The following RAPGEF1 variants were observed in gnomAD, a reference collection of about 807,000 sequenced individuals.
RAPGEF1 encodes the protein CRK SH3-binding GNRP.
A neutral mutation model predicts 143.3 loss-of-function variants in RAPGEF1; 33 were observed. The ratio of observed to expected loss-of-function variants is 0.23; its 90% CI spans 0.17 to 0.31. RAPGEF1 has a LOEUF of 0.31. Among genes scored for constraint, RAPGEF1 ranks in the 10% least tolerant of loss-of-function variants. The probability of loss-of-function intolerance (pLI) is 1.00; values close to 1 mark genes in which losing one functional copy is unlikely to be tolerated. For synonymous variants in RAPGEF1, 629 were observed against 676.5 expected (o/e 0.93, Z 1.09); for missense variants, 1,199 against 1,645.4 (o/e 0.73, Z 4.69).
At chr9:131,625,797 G>T in intron 10 of RAPGEF1, 125 bp downstream of exon 10, 1 of 1,306,054 alleles carries the variant, frequency 7.7e-7, no homozygotes, top group Non-Finnish European at 1.0e-6. Flanking sequence ...CCACATACCT[G>T]GCTGGCCTAT....
At chr9:131,640,690 A>C (rs1024090543) in intron 4 of RAPGEF1, among the ~76,000 whole-genome samples, 1 of 152,200 alleles carries the variant, frequency 6.6e-6, no homozygotes, top group African/African-American at 2.4e-5. Context: ...GTTGGAGGCC[A>C]GCCTATCACT....
chr9:131,614,143 C>CA (rs113490208), intron 12 of RAPGEF1, among the ~76,000 whole-genome samples: 12,999 of 151,972 alleles, frequency 0.086, 645 homozygotes, highest in Middle Eastern at 0.27. Flanking sequence ...CACCAACACC[C>CA]CCCCCCAAGG....
intron 1 of RAPGEF1, among the ~76,000 whole-genome samples, chr9:131,694,729 C>G (rs763493686): frequency 3.2e-4 from 48 of 151,782 alleles, no homozygotes; most frequent in Non-Finnish European, 5.1e-4. Flanking sequence ...CAACCTGACC[C>G]CATGATCCCT....
intron 1 of RAPGEF1, among the ~76,000 whole-genome samples, chr9:131,694,196 T>C (rs1044260051): frequency 9.2e-5 from 14 of 152,172 alleles, no homozygotes; most frequent in African/African-American, 3.1e-4. Flanking sequence ...TTTCATAGTA[T>C]TTACTAGTCT....
At chr9:131,673,069 T>C (rs1203824250) in intron 1 of RAPGEF1, among the ~76,000 whole-genome samples, 1 of 152,190 alleles carries the variant, frequency 6.6e-6, no homozygotes, top group Non-Finnish European at 1.5e-5. Context: ...AGCACCTACT[T>C]TGTGCTGGGA....
intron 1 of RAPGEF1, among the ~76,000 whole-genome samples, chr9:131,713,138 G>C (rs1835627819): frequency 6.6e-6 from 1 of 151,730 alleles, no homozygotes; most frequent in Non-Finnish European, 1.5e-5. Flanking sequence ...GAAGCAGAAG[G>C]CTGACTGCAC....
At chr9:131,598,546 G>A in intron 15 of RAPGEF1, 1 of 661,224 alleles carries the variant, frequency 1.5e-6, no homozygotes, top group Non-Finnish European at 2.8e-6. Flanking sequence ...TGATTCCGCT[G>A]GGAAAATAAA....
intron 5 of RAPGEF1, 66 bp downstream of exon 5, chr9:131,638,569 G>A (rs1208080253): frequency 1.3e-6 from 2 of 1,576,732 alleles, no homozygotes; most frequent in Non-Finnish European, 1.7e-6. Flanking sequence ...GCTCTTATGT[G>A]ACAAGCACCA....
chr9:131,723,665 T>C (rs967916144), intron 1 of RAPGEF1, among the ~76,000 whole-genome samples: 2 of 152,238 alleles, frequency 1.3e-5, no homozygotes, highest in Non-Finnish European at 2.9e-5. Flanking sequence ...GTTTTCTTTA[T>C]CCATTCACCC....
intron 1 of RAPGEF1, among the ~76,000 whole-genome samples, chr9:131,682,400 G>A (rs999835088): frequency 6.6e-6 from 1 of 152,154 alleles, no homozygotes; most frequent in Non-Finnish European, 1.5e-5. Context: ...TACAATGTCT[G>A]TCAGTAGATT....
chr9:131,638,900 C>T (rs987496915), intron 4 of RAPGEF1, 109 bp from the exon 5 acceptor site: 1 of 1,160,396 alleles, frequency 8.6e-7, no homozygotes, highest in Non-Finnish European at 1.2e-6. Context: ...TTTCTTTGTG[C>T]AAAATCCATA....
chr9:131,597,192 C>G (rs575179220), intron 16 of RAPGEF1, among the ~76,000 whole-genome samples: 99 of 152,346 alleles, frequency 6.5e-4, no homozygotes, highest in African/African-American at 2.3e-3. Flanking sequence ...GTACACACTC[C>G]GGGACTAGCC....
At position 131,584,687 on chromosome 9, in the gene RAPGEF1, C is replaced by A. The variant is rs1344114327; in HGVS notation, c.3234-91G>T. ...GTGGAGACAGGACCTGTACGACCCC[C>A]ATGCCAGTGGCCACGAGCCCACCCC... is the stretch of plus-strand genomic sequence containing the variant. On this transcript the variant is annotated intron_variant, in intron 22 of 26. Coordinates refer to ENST00000683357, the MANE Select transcript of RAPGEF1 (RefSeq NM_001377935.1). The surrounding 1 kb of genome is among the most constrained non-coding windows in gnomAD (Gnocchi z 6.8). The A allele has an allele frequency of 4.5e-6, 6 of 1,323,328 alleles. No individual in the cohort carries two copies. The highest frequency in any genetic ancestry group is 6.5e-6 in the Non-Finnish European group (6 of 924,526). The allele number at this position is 1,323,328 out of a possible 1,614,324, so 82.0% of individuals were successfully genotyped here.
intron 1 of RAPGEF1, among the ~76,000 whole-genome samples, chr9:131,668,815 A>G (rs1830860637): frequency 6.6e-6 from 1 of 152,240 alleles, no homozygotes; most frequent in Non-Finnish European, 1.5e-5. Context: ...ATTCTGAGTA[A>G]ACCACAGAGC....
chr9:131,687,528 G>T (rs1044099175), intron 1 of RAPGEF1, among the ~76,000 whole-genome samples: 1 of 152,126 alleles, frequency 6.6e-6, no homozygotes, highest in African/African-American at 2.4e-5. Flanking sequence ...CTCCCCAAAA[G>T]TCTGTTCTCA....
intron 1 of RAPGEF1, among the ~76,000 whole-genome samples, chr9:131,729,362 G>A (rs1190071540): frequency 6.6e-5 from 10 of 151,580 alleles, no homozygotes; most frequent in African/African-American, 9.7e-5. Flanking sequence ...GTGGGTGGGT[G>A]GAACTACTTT....
chr9:131,624,975 C>G (rs1340937374), intron 10 of RAPGEF1, among the ~76,000 whole-genome samples: 1 of 152,266 alleles, frequency 6.6e-6, no homozygotes, highest in East Asian at 1.9e-4. Context: ...GCGACCCTTG[C>G]TGGACTGAAC....
chr9:131,701,040 A>G (rs1314559749), intron 1 of RAPGEF1, among the ~76,000 whole-genome samples: 1 of 152,138 alleles, frequency 6.6e-6, no homozygotes, highest in Admixed American at 6.5e-5. Flanking sequence ...CCCCTGAAAC[A>G]GTTATCCAGG....
intron 5 of RAPGEF1, among the ~76,000 whole-genome samples, chr9:131,635,154 T>C (rs1165542766): frequency 3.9e-5 from 6 of 152,112 alleles, no homozygotes; most frequent in African/African-American, 1.4e-4. Flanking sequence ...AATGAACACT[T>C]CTCCAGGTAA....
Sources: gnomAD v4.1 joint callset for allele counts (sites outside exome capture counted in the v4.1 genomes callset) on GRCh38, gnomAD v4.1.1 for gene constraint, Gnocchi (gnomAD v3.1) non-coding constraint, MANE v1.5 for transcripts, NCBI Gene and HGNC (gene_info 2026-07-23, HGNC 2026-07-21) for gene names.